Variants in VPS53 observed in about 807,000 individuals in gnomAD.
The protein encoded by VPS53 is vacuolar protein sorting-associated protein 53 homolog.
VPS53 carries 70 observed loss-of-function variants against 107.0 expected under a neutral mutation model. The observed-to-expected ratio is 0.65, with a 90% CI of 0.54 to 0.80. The LOEUF (loss-of-function observed/expected upper bound fraction) is 0.80. Ranked by LOEUF, VPS53 falls within the 30% of genes least tolerant of loss-of-function variation. The probability of loss-of-function intolerance (pLI) is 0.00; values close to 1 mark genes in which losing one functional copy is unlikely to be tolerated. For synonymous variants in VPS53, 409 were observed against 393.3 expected, an observed-to-expected ratio of 1.04 and a Z score of -0.47; for missense variants, 917 against 1,049.4, an observed-to-expected ratio of 0.87 and a Z score of 1.74.
intron 13 of VPS53, among the ~76,000 whole-genome samples, chr17:575,008 G>C (rs1235499969): frequency 6.6e-6 from 1 of 152,210 alleles, no homozygotes; most frequent in African/African-American, 2.4e-5. Flanking sequence ...CAAAGAGGCA[G>C]AAGTCCCCAC....
At chr17:703,200 AC>A (rs1031210985) in intron 2 of VPS53, among the ~76,000 whole-genome samples, 4 of 125,542 alleles carry the variant, frequency 3.2e-5, no homozygotes, top group Admixed American at 8.2e-5. Flanking sequence ...CAGAGTGGGA[AC>A]CCACCTCAAA....
chr17:694,790 T>C (rs1972891322), intron 4 of VPS53, among the ~76,000 whole-genome samples: 1 of 152,180 alleles, frequency 6.6e-6, no homozygotes, highest in Admixed American at 6.5e-5. Flanking sequence ...CTTTTGGGGA[T>C]GGGGTCTCGC....
intron 8 of VPS53, among the ~76,000 whole-genome samples, chr17:629,810 CACA>C (rs1278069760): frequency 6.9e-4 from 1 of 1,454 alleles, no homozygotes; most frequent in African/African-American, 1.1e-3. Context: ...AAAAAAAAAC[CACA>C]CACACACACA....
At chr17:562,211 A>C (rs1255375940) in intron 14 of VPS53, among the ~76,000 whole-genome samples, 1 of 152,188 alleles carries the variant, frequency 6.6e-6, no homozygotes, top group Non-Finnish European at 1.5e-5. Flanking sequence ...TGTGCCAAGT[A>C]TCTATAGCTG....
intron 4 of VPS53, among the ~76,000 whole-genome samples, chr17:697,198 T>A (rs1243780868): frequency 6.6e-6 from 1 of 152,200 alleles, no homozygotes; most frequent in Non-Finnish European, 1.5e-5. Context: ...AGTGTTCTCA[T>A]CTGGCCTCGG....
chr17:688,899 T>C (rs755587575), intron 4 of VPS53, among the ~76,000 whole-genome samples: 1 of 152,192 alleles, frequency 6.6e-6, no homozygotes, highest in Non-Finnish European at 1.5e-5. Flanking sequence ...TCCTGAAGTT[T>C]AGTGTTATTT....
intron 7 of VPS53, among the ~76,000 whole-genome samples, chr17:637,051 C>G (rs1234963583): frequency 7.2e-5 from 11 of 152,034 alleles, no homozygotes; most frequent in Admixed American, 6.6e-4. Context: ...TGGTCCTGGA[C>G]TTTTTTTGGT....
intron 4 of VPS53, among the ~76,000 whole-genome samples, chr17:667,133 G>A (rs1021327843): frequency 1.3e-5 from 2 of 152,114 alleles, no homozygotes; most frequent in Non-Finnish European, 2.9e-5. Flanking sequence ...TTTTTGGACC[G>A]AAACTCATTA....
intron 11 of VPS53, among the ~76,000 whole-genome samples, chr17:617,526 C>T (rs1188638348): frequency 6.6e-6 from 1 of 152,248 alleles, no homozygotes; most frequent in African/African-American, 2.4e-5. Context: ...CTCAGCCTCT[C>T]AGGTAGCTGG....
chr17:710,531 A>T lies in VPS53; in HGVS notation c.168+2T>A. 1 of 1,612,344 alleles carries T rather than the reference A, an allele frequency of 6.2e-7. No homozygotes were observed. Among genetic ancestry groups the T allele is most frequent in the Non-Finnish European group, 8.5e-7 (1 of 1,178,600 alleles). ...AGGAAGGAAACCTGAAACTCTACTT[A>T]CTTGCTCGGTTGGGAACAGGGTATT... is the stretch of plus-strand genomic sequence containing the variant. On this transcript the variant is annotated splice_donor_variant, in intron 2 of 21. Coordinates refer to ENST00000437048, the MANE Select transcript of VPS53 (RefSeq NM_001128159.3). LOFTEE classifies it high-confidence loss of function.
rs12941064 is a variant in VPS53, at chr17:648,843, T to A, written c.608+4448A>T. 4.1e-3 allele frequency among the ~76,000 whole-genome samples: 350 copies of A among 84,550 alleles called. 1 individual carries two copies. Among genetic ancestry groups the A allele is most frequent in the South Asian group, 7.0e-3 (18 of 2,578 alleles). The allele number at this position is 84,550 out of a possible 152,430, so 55.5% of individuals were successfully genotyped here. A position where few individuals can be genotyped will look rare whatever the true frequency, so the allele number is the denominator to read the frequency against. ...CTTACACTGGAGGACAGAGGAATGG[T>A]ACAGGCACTGAAGATCTTACACTGG... is the stretch of plus-strand genomic sequence containing the variant. On this transcript the variant is annotated intron_variant, in intron 7 of 21. Coordinates refer to ENST00000437048, the MANE Select transcript of VPS53 (RefSeq NM_001128159.3).
rs1171544001 is a variant in VPS53, at chr17:599,226, C to T, written c.1218+2569G>A. On this transcript the variant is annotated intron_variant, in intron 12 of 21. Transcript: ENST00000437048. The stretch of plus-strand genomic sequence containing the variant: ...CTGGGAAGTGAGGAGCCCCTCTGCC[C>T]GGCCACCACCCTGTCTGGGAGGTGT... Among the ~76,000 whole-genome samples, 138 of 151,696 alleles carry T rather than the reference C, an allele frequency of 9.1e-4. 1 individual carries two copies. The highest frequency in any genetic ancestry group is 3.2e-3 in the African/African-American group (134 of 41,414).
chr17:672,166 A>T (rs1204261066), intron 4 of VPS53, among the ~76,000 whole-genome samples: 8 of 87,776 alleles, frequency 9.1e-5, no homozygotes, highest in East Asian at 8.3e-4. Flanking sequence ...TCTCTCTCAC[A>T]CAATCTCAAT....
At chr17:607,037 G>T (rs970753516) in intron 11 of VPS53, among the ~76,000 whole-genome samples, 2 of 152,148 alleles carry the variant, frequency 1.3e-5, no homozygotes, top group African/African-American at 4.8e-5. Flanking sequence ...GTTAAGCAAT[G>T]CATGACTGAA....
At chr17:682,950 T>C (rs887686484) in intron 4 of VPS53, among the ~76,000 whole-genome samples, 1 of 152,054 alleles carries the variant, frequency 6.6e-6, no homozygotes, top group Admixed American at 6.6e-5. Context: ...AGATGAAGAA[T>C]TGCAGCAGAG....
chr17:668,573 G>C (rs1266478180), intron 4 of VPS53, among the ~76,000 whole-genome samples: 1 of 152,152 alleles, frequency 6.6e-6, no homozygotes, highest in East Asian at 1.9e-4. Context: ...AGTAAAAAGT[G>C]CAACAGAGGC....
At chr17:692,676 T>C (rs1972816702) in intron 4 of VPS53, among the ~76,000 whole-genome samples, 1 of 152,220 alleles carries the variant, frequency 6.6e-6, no homozygotes, top group South Asian at 2.1e-4. Context: ...ACCATGAATG[T>C]GAAGTCAACA....
intron 4 of VPS53, among the ~76,000 whole-genome samples, chr17:678,839 C>A (rs1346406102): frequency 2.0e-5 from 3 of 151,994 alleles, no homozygotes; most frequent in Non-Finnish European, 4.4e-5. Flanking sequence ...CGGGGTTTCA[C>A]CGTGTTAGCC....
intron 7 of VPS53, among the ~76,000 whole-genome samples, chr17:639,183 A>G (rs1000777609): frequency 3.4e-4 from 52 of 152,142 alleles, no homozygotes; most frequent in Non-Finnish European, 5.6e-4. Flanking sequence ...TCAATCACTG[A>G]TACCCTTTCT....
Sources: allele counts gnomAD v4.1 joint callset (sites outside exome capture counted in the v4.1 genomes callset), GRCh38; gene constraint gnomAD v4.1.1; transcripts MANE v1.5; gene names NCBI Gene and HGNC (gene_info 2026-07-23, HGNC 2026-07-21).